The following NEUROD1 variants were observed in gnomAD, a reference collection of about 807,000 sequenced individuals.
NEUROD1 encodes the protein neuronal differentiation 1, also known as neurogenic differentiation factor 1.
Under a neutral mutation model 21.8 loss-of-function variants are expected in NEUROD1, and 9 were observed. The ratio of observed to expected loss-of-function variants is 0.41; its 90% confidence interval spans 0.25 to 0.72. The LOEUF (loss-of-function observed/expected upper bound fraction) is 0.72. Among genes scored for constraint, NEUROD1 ranks in the 30% least tolerant of loss-of-function variants. The pLI, the probability that NEUROD1 is intolerant of heterozygous loss-of-function variation, is 0.31. For synonymous variants in NEUROD1, 199 were observed against 186.2 expected, an observed-to-expected ratio of 1.07 and a Z score of -0.56; for missense variants, 434 against 468.8, an observed-to-expected ratio of 0.93 and a Z score of 0.69.
chr2:181,670,178 T>TAC (rs1289542998), downstream of NEUROD1, among the ~76,000 whole-genome samples: 1 of 152,184 alleles, frequency 6.6e-6, no homozygotes, highest in Admixed American at 6.5e-5. Flanking sequence ...ACATGAAGAA[T>TAC]ACATAATAGC....
At position 181,678,901 on chromosome 2, in the gene NEUROD1, A is replaced by C; in HGVS notation, c.-11-30T>G. 1 of 1,611,022 alleles carries C rather than the reference A, an allele frequency of 6.2e-7. No individual in the cohort carries two copies. Among genetic ancestry groups the C allele is most frequent in the Non-Finnish European group, 8.5e-7 (1 of 1,179,978 alleles). On this transcript the variant is annotated intron_variant, in intron 1 of 1. Transcript: ENST00000295108. This position sits in a 1 kb window ranked among gnomAD's most constrained non-coding sequence, Gnocchi z 5.5. The stretch of plus-strand genomic sequence containing the variant: ...ATTCAACAAGGGAGAGGCAAACAGA[A>C]AGAAAAGCAGAAAAACGCTATATTC...
In NEUROD1 at chr2:181,678,626, G is replaced by C; in HGVS notation, c.235C>G (p.Gln79Glu). The change falls in exon 2 of 2, where the codon CAA becomes GAA. Residue 79 changes from glutamine (Q) to glutamate (E), a missense_variant. Physicochemically the swap from Gln to Glu is conservative, Grantham distance 29. Coordinates refer to ENST00000295108, the MANE Select transcript of NEUROD1 (RefSeq NM_002500.5). This position sits in a 1 kb window ranked among gnomAD's most constrained non-coding sequence, Gnocchi z 5.5. ...TTGGGGCCGCGTCTCTTGGGCTTTT[G>C]ATCGTCATCCTCCTCTTCCTCTTCT... Reference protein sequence around the residue: ...EEEEEEEDDDQKPKRRGPKKK... With the variant: ...EEEEEEEDDDEKPKRRGPKKK... 6.2e-7 allele frequency: 1 copy of C among 1,614,022 alleles called. No homozygotes were observed. Among genetic ancestry groups the C allele is most frequent in the Admixed American group, 1.7e-5 (1 of 60,008 alleles).
chr2:181,679,136 T>G (rs763993062), intron 1 of NEUROD1, among the ~76,000 whole-genome samples: 5 of 152,152 alleles, frequency 3.3e-5, no homozygotes, highest in African/African-American at 2.4e-5. Flanking sequence ...CTCACGCATA[T>G]GTGTTTGTAT....
chr2:181,679,822 A>T (rs889558008), intron 1 of NEUROD1, among the ~76,000 whole-genome samples: 3 of 152,218 alleles, frequency 2.0e-5, no homozygotes, highest in African/African-American at 7.2e-5. Flanking sequence ...TTAGTAAAAC[A>T]ACTGAATTTC....
chr2:181,672,956 C>T (rs1688517798), downstream of NEUROD1: 1 of 152,196 alleles, frequency 6.6e-6, no homozygotes, highest in African/African-American at 2.4e-5. Flanking sequence ...CTAGATTGAA[C>T]TTACTCTATC....
chr2:181,677,168 G>A lies in NEUROD1; in HGVS notation c.*622C>T, dbSNP rs1469559355. ...TTTTACAATTGGAGAGGAAAGAAGT[G>A]CTAAGGCAACACAATAACTTTCTAA... On this transcript the variant is annotated 3_prime_UTR_variant, in exon 2 of 2. Transcript: ENST00000295108. 1 of 116,836 alleles carries A rather than the reference G, an allele frequency of 8.6e-6. No individual in the cohort carries two copies. Among genetic ancestry groups the A allele is most frequent in the Non-Finnish European group, 1.7e-5 (1 of 60,458 alleles). The allele number at this position is 116,836 out of a possible 1,614,324, so 7.2% of individuals were successfully genotyped here.
At position 181,677,930 on chromosome 2, in the gene NEUROD1, C is replaced by T. The variant is rs1475260624; in HGVS notation, c.931G>A (p.Ala311Thr). 16 of 1,614,058 alleles carry T rather than the reference C, an allele frequency of 9.9e-6. No individual in the cohort carries two copies. Among genetic ancestry groups the T allele is most frequent in the African/African-American group, 1.3e-5 (1 of 74,916 alleles). Residue 311 changes from alanine to threonine, a missense_variant, in exon 2 of 2, where the codon GCC becomes ACC. Physicochemically the swap from Ala to Thr is moderately conservative, Grantham distance 58 (BLOSUM62 0). Coordinates refer to ENST00000295108, the MANE Select transcript of NEUROD1 (RefSeq NM_002500.5). ...MHYPAATLAG[A>T]QSHGSIFSGT... The stretch of plus-strand genomic sequence containing the variant: ...GAGAAGATTGATCCGTGGCTTTGGG[C>T]CCCTGCCAGTGTCGCTGCAGGATAG...
downstream of NEUROD1, among the ~76,000 whole-genome samples, chr2:181,675,296 G>A (rs1264798334): frequency 1.3e-5 from 2 of 152,234 alleles, no homozygotes; most frequent in African/African-American, 4.8e-5. Context: ...TTTTTTTAAC[G>A]TCGAAGTATT....
rs560189340 is a variant in NEUROD1, at chr2:181,671,127, A to G, written n.2819T>C. Reference sequence around the variant, plus strand: ...TTTAATATAAATGCACCAGTAGTTAATTAGACAAAAAATAAAACCTGGGAA... The same window carrying G: ...TTTAATATAAATGCACCAGTAGTTAGTTAGACAAAAAATAAAACCTGGGAA... On this transcript the variant is annotated non_coding_transcript_exon_variant, in exon 2 of 2. Coordinates refer to the NEUROD1 transcript ENST00000496876. 2.6e-5 allele frequency among the ~76,000 whole-genome samples: 4 copies of G among 152,048 alleles called. No homozygotes were observed. In the South Asian group the frequency reaches 8.3e-4, roughly 32 times the overall value.
rs1688579826 is a variant in NEUROD1 at position 181,676,699 on chromosome 2, AG to A, written c.*1090del. On this transcript the variant is annotated 3_prime_UTR_variant, in exon 2 of 2. Coordinates refer to ENST00000295108, the MANE Select transcript of NEUROD1 (RefSeq NM_002500.5). ...AGCTACTGTACTAATTGACTACTAT[AG>A]ATATAAATCCCAACATTAACAACCT... 1.3e-5 allele frequency: 2 copies of A among 152,740 alleles called. No individual in the cohort carries two copies. The highest frequency in any genetic ancestry group is 2.9e-5 in the Non-Finnish European group (2 of 67,994). 9.5% of individuals were successfully genotyped at this position (152,740 alleles called of 1,614,324 possible).
chr2:181,678,995 A>G lies in NEUROD1; in HGVS notation c.-11-124T>C. ...AAATGCTTGCGAAAAGTACCTGCCC[A>G]TTACAAAATGAATGCCTCTGAGAAA... On this transcript the variant is annotated intron_variant, in intron 1 of 1. Coordinates refer to ENST00000295108, the MANE Select transcript of NEUROD1 (RefSeq NM_002500.5). This position sits in a 1 kb window ranked among gnomAD's most constrained non-coding sequence, Gnocchi z 5.5. 8.5e-7 allele frequency: 1 copy of G among 1,171,758 alleles called. No homozygotes were observed. The highest frequency in any genetic ancestry group is 1.2e-6 in the Non-Finnish European group (1 of 829,700). 72.6% of individuals were successfully genotyped at this position (1,171,758 alleles called of 1,614,324 possible). A position where few individuals can be genotyped will look rare whatever the true frequency, so the allele number is the denominator to read the frequency against.
chr2:181,678,574 A>T lies in NEUROD1; in HGVS notation c.287T>A (p.Leu96Gln). Reference protein sequence around the residue: ...PKKKKMTKARLERFKLRRMKA... With the variant: ...PKKKKMTKARQERFKLRRMKA... ...CATGCGTCTCAATTTAAAACGCTCC[A>T]GGCGAGCCTTAGTCATCTTCTTCTT... is the stretch of plus-strand genomic sequence containing the variant. The change falls in exon 2 of 2, where the codon CTG becomes CAG. Residue 96 changes from leucine to glutamine, a missense_variant. By Grantham distance (113) the Leu-to-Gln change is moderately radical (BLOSUM62 -2). Transcript: ENST00000295108. This position sits in a 1 kb window ranked among gnomAD's most constrained non-coding sequence, Gnocchi z 5.5. The T allele has an allele frequency of 6.2e-7, 1 of 1,614,216 alleles. No homozygotes were observed. The highest frequency in any genetic ancestry group is 8.5e-7 in the Non-Finnish European group (1 of 1,180,044).
downstream of NEUROD1, among the ~76,000 whole-genome samples, chr2:181,671,868 T>G (rs1052806453): frequency 6.6e-6 from 1 of 152,214 alleles, no homozygotes; most frequent in Non-Finnish European, 1.5e-5. Flanking sequence ...ACAGTTCTCT[T>G]AAGCATTGCA....
At chr2:181,675,723 GAA>G (rs1688559734), downstream of NEUROD1, among the ~76,000 whole-genome samples, 3 of 151,608 alleles carry the variant, frequency 2.0e-5, no homozygotes, top group Non-Finnish European at 1.5e-5. Flanking sequence ...TTGTGTTCAT[GAA>G]ACAACAGAAT....
In NEUROD1 at chr2:181,678,109, G is replaced by C. The variant is rs1455418242; in HGVS notation, c.752C>G (p.Ala251Gly). The change falls in exon 2 of 2, where the codon GCA (alanine) becomes GGA (glycine). Residue 251 changes from alanine (A) to glycine (G), a missense_variant. Transcript: ENST00000295108. This position sits in a 1 kb window ranked among gnomAD's most constrained non-coding sequence, Gnocchi z 5.5. Reference sequence around the variant, plus strand: ...GCTTTCAAAGAAGGGCTCCAGCGCTGCGCTGTAGGCGTGCGGCGGAGGCTT... The same window carrying C: ...GCTTTCAAAGAAGGGCTCCAGCGCTCCGCTGTAGGCGTGCGGCGGAGGCTT... ...HVKPPPHAYS[A>G]ALEPFFESPL... 1 of 1,614,228 alleles carries C rather than the reference G, an allele frequency of 6.2e-7. No homozygotes were observed.
chr2:181,671,010 G>A (rs1688489857), exon 2 of NEUROD1, among the ~76,000 whole-genome samples: 1 of 146,174 alleles, frequency 6.8e-6, no homozygotes, highest in African/African-American at 2.5e-5. Flanking sequence ...ACTCAACCAA[G>A]TATAGCATAT....
Position 181,677,837 on chromosome 2 carries a change from G to T in NEUROD1, c.1024C>A (p.His342Asn), listed in dbSNP as rs370447253. The T allele has an allele frequency of 1.9e-5, 31 of 1,614,100 alleles. No individual in the cohort carries two copies. Among genetic ancestry groups the T allele is most frequent in the Admixed American group, 3.3e-5 (2 of 60,008 alleles). Residue 342 changes from histidine to asparagine, a missense_variant, in exon 2 of 2, where the codon CAT becomes AAT. Physicochemically the swap from His to Asn is moderately conservative, Grantham distance 68. Coordinates refer to ENST00000295108, the MANE Select transcript of NEUROD1 (RefSeq NM_002500.5). ...NIMSFDSHSH[H>N]ERVMSAQLNA... ...AGCTGGGCACTCATGACTCGCTCAT[G>T]ATGTGAATGGCTATCGAAGGACATA...
At position 181,678,554 on chromosome 2, in the gene NEUROD1, G is replaced by T; in HGVS notation, c.307C>A (p.Arg103Ser). The T allele has an allele frequency of 6.2e-7, 1 of 1,614,212 alleles. No individual in the cohort carries two copies. Among genetic ancestry groups the T allele is most frequent in the Non-Finnish European group, 8.5e-7 (1 of 1,180,042 alleles). The change falls in exon 2 of 2, where the codon CGC becomes AGC. Residue 103 changes from arginine (R) to serine (S), a missense_variant. Arg to Ser is a moderately radical substitution (Grantham distance 110, BLOSUM62 -1). Coordinates refer to ENST00000295108, the MANE Select transcript of NEUROD1 (RefSeq NM_002500.5). This position sits in a 1 kb window ranked among gnomAD's most constrained non-coding sequence, Gnocchi z 5.5. Reference protein sequence around the residue: ...KARLERFKLRRMKANARERNR... With the variant: ...KARLERFKLRSMKANARERNR... ...CGCTCCCGGGCGTTAGCCTTCATGC[G>T]TCTCAATTTAAAACGCTCCAGGCGA... is the stretch of plus-strand genomic sequence containing the variant.
At chr2:181,675,359 A>G (rs1688553560), downstream of NEUROD1, among the ~76,000 whole-genome samples, 1 of 152,188 alleles carries the variant, frequency 6.6e-6, no homozygotes, top group African/African-American at 2.4e-5. Context: ...TGTTATTAGT[A>G]TGGCTAATTG....
Sources: allele counts gnomAD v4.1 joint callset (sites outside exome capture counted in the v4.1 genomes callset), GRCh38; gene constraint gnomAD v4.1.1; non-coding constraint Gnocchi (gnomAD v3.1); transcripts MANE v1.5; gene names NCBI Gene and HGNC (gene_info 2026-07-23, HGNC 2026-07-21).